RSPO2: variants seen among roughly 807,000 people sequenced by gnomAD.
The protein encoded by RSPO2 is R-spondin-2.
In RSPO2, 14 loss-of-function variants were observed where a neutral mutation model predicts 30.9. That is an observed-to-expected ratio of 0.45 (90% CI 0.30 to 0.71). The LOEUF is 0.71. Ranked by LOEUF, RSPO2 falls within the 30% of genes least tolerant of loss-of-function variation. RSPO2 has a pLI of 0.08. For synonymous variants in RSPO2, 107 were observed against 96.4 expected, an observed-to-expected ratio of 1.11 and a Z score of -0.64; for missense variants, 264 against 301.9, an observed-to-expected ratio of 0.87 and a Z score of 0.93.
chr8:108,013,200 C>T (rs1036670759), intron 2 of RSPO2, among the ~76,000 whole-genome samples: 1 of 152,218 alleles, frequency 6.6e-6, no homozygotes, highest in African/African-American at 2.4e-5. Flanking sequence ...TTGATCAATA[C>T]TAGTAACTTA....
intron 5 of RSPO2, among the ~76,000 whole-genome samples, chr8:107,947,274 T>G (rs1188634855): frequency 6.6e-6 from 1 of 152,214 alleles, no homozygotes; most frequent in Non-Finnish European, 1.5e-5. Flanking sequence ...TACTCCAAGC[T>G]GGCTAGTACA....
chr8:107,930,202 G>C (rs1240067455), intron 5 of RSPO2, among the ~76,000 whole-genome samples: 1 of 152,080 alleles, frequency 6.6e-6, no homozygotes, highest in Non-Finnish European at 1.5e-5. Flanking sequence ...GAAACTTTTG[G>C]GTTTGTAAAG....
At chr8:108,057,380 T>C (rs749074065) in intron 2 of RSPO2, among the ~76,000 whole-genome samples, 4 of 152,188 alleles carry the variant, frequency 2.6e-5, no homozygotes, top group Non-Finnish European at 4.4e-5. Context: ...TTGTATTTTC[T>C]TCATAGTGTT....
intron 5 of RSPO2, among the ~76,000 whole-genome samples, chr8:107,915,836 AAC>A (rs1291196226): frequency 6.6e-6 from 1 of 152,124 alleles, no homozygotes; most frequent in Non-Finnish European, 1.5e-5. Flanking sequence ...CCTATTGGGA[AAC>A]ATCTTGCAAA....
chr8:107,918,267 A>G (rs1016432792), intron 5 of RSPO2, among the ~76,000 whole-genome samples: 1 of 152,166 alleles, frequency 6.6e-6, no homozygotes, highest in Non-Finnish European at 1.5e-5. Flanking sequence ...ATTTTTCTCT[A>G]CCTGATTCTT....
intron 5 of RSPO2, among the ~76,000 whole-genome samples, chr8:107,904,563 A>G (rs1811579425): frequency 6.6e-6 from 1 of 152,034 alleles, no homozygotes; most frequent in African/African-American, 2.4e-5. Flanking sequence ...TGCAGATGCA[A>G]GGAGATGACT....
At chr8:107,907,334 C>T (rs535316154) in intron 5 of RSPO2, among the ~76,000 whole-genome samples, 3 of 152,064 alleles carry the variant, frequency 2.0e-5, no homozygotes, top group Admixed American at 6.5e-5. Context: ...AAAGATTTTA[C>T]AGATAGCTGT....
At position 108,082,006 on chromosome 8, in the gene RSPO2, G is replaced by T. The variant is rs927612643; in HGVS notation, c.94+539C>A. 9 of 779,656 alleles carry T rather than the reference G, an allele frequency of 1.2e-5. No homozygotes were observed. In the Admixed American group the frequency reaches 5.0e-4, roughly 43 times the overall value. The allele number at this position is 779,656 out of a possible 1,614,324, so 48.3% of individuals were successfully genotyped here. On this transcript the variant is annotated intron_variant, in intron 2 of 5. Transcript: ENST00000276659. ...AAAGGGAGGTCCTCCCCCTCGACTT[G>T]GTACCCCTCCCAAGCTCCGGAATAC...
intron 3 of RSPO2, among the ~76,000 whole-genome samples, chr8:107,967,122 C>A (rs1166015547): frequency 6.6e-6 from 1 of 152,174 alleles, no homozygotes; most frequent in Non-Finnish European, 1.5e-5. Flanking sequence ...ATCAAGCCAA[C>A]CTCTAGAAAC....
intron 5 of RSPO2, among the ~76,000 whole-genome samples, chr8:107,910,568 ACAGTT>A (rs1202171552): frequency 3.9e-5 from 6 of 152,164 alleles, no homozygotes; most frequent in Non-Finnish European, 8.8e-5. Flanking sequence ...GTCCAAGCCA[ACAGTT>A]CAGTTAAGTG....
intron 2 of RSPO2, among the ~76,000 whole-genome samples, chr8:107,993,803 A>C (rs1468252829): frequency 7.2e-5 from 11 of 152,184 alleles, no homozygotes; most frequent in Non-Finnish European, 1.3e-4. Context: ...TTGGTAGCCC[A>C]AGGCATTCTT....
chr8:108,082,318 G>C (rs990587113), intron 2 of RSPO2, among the ~76,000 whole-genome samples: 1 of 152,302 alleles, frequency 6.6e-6, no homozygotes, highest in South Asian at 2.1e-4. Context: ...CGCCCGGCTC[G>C]CCGAGCTCCC....
intron 2 of RSPO2, among the ~76,000 whole-genome samples, chr8:108,026,034 A>T (rs4483127): frequency 0.06 from 9,134 of 152,296 alleles, 792 homozygotes; most frequent in African/African-American, 0.19. Flanking sequence ...TTTACAAACA[A>T]GAAACCTTAA....
At chr8:107,937,319 T>G (rs1467445870) in intron 5 of RSPO2, among the ~76,000 whole-genome samples, 3 of 152,180 alleles carry the variant, frequency 2.0e-5, no homozygotes, top group Admixed American at 2.0e-4. Flanking sequence ...TGTGGATTTA[T>G]TTCTGGACTA....
chr8:107,943,935 C>T lies in RSPO2; in HGVS notation c.616+14145G>A, dbSNP rs545367282. On this transcript the variant is annotated intron_variant, in intron 5 of 5. Coordinates refer to ENST00000276659, the MANE Select transcript of RSPO2 (RefSeq NM_178565.5). ...AAAGAAGAACAGAGGGAGAGGGGGA[C>T]GGGAGCTTACACAATACACATCTTA... Among the ~76,000 whole-genome samples the T allele has an allele frequency of 2.1e-3, 313 of 152,212 alleles. 2 individuals are homozygous for T. Among genetic ancestry groups the T allele is most frequent in the African/African-American group, 7.1e-3 (295 of 41,540 alleles).
rs190252363 is a variant in RSPO2 at position 107,988,897 on chromosome 8, G to C, written c.283+159C>G. Among the ~76,000 whole-genome samples the C allele has an allele frequency of 2.6e-5, 4 of 152,104 alleles. No individual in the cohort carries two copies. The East Asian group carries it at 7.7e-4, about 29-fold the overall frequency. ...CCTACCTTGGCCTCCCAAAGTGCTG[G>C]GATTACAGGCATGACCCACCACACC... On this transcript the variant is annotated intron_variant, in intron 3 of 5. Coordinates refer to ENST00000276659, the MANE Select transcript of RSPO2 (RefSeq NM_178565.5).
At chr8:108,049,247 T>C (rs986942892) in intron 2 of RSPO2, among the ~76,000 whole-genome samples, 4 of 151,918 alleles carry the variant, frequency 2.6e-5, no homozygotes, top group African/African-American at 9.7e-5. Flanking sequence ...TAAAGTATAA[T>C]AAAAGAATAA....
intron 5 of RSPO2, among the ~76,000 whole-genome samples, chr8:107,948,350 G>A (rs474945): frequency 0.21 from 31,223 of 152,108 alleles, 4,305 homozygotes; most frequent in East Asian, 0.56. Context: ...TTATCTTGGG[G>A]AAGTAGGTTG....
chr8:107,983,542 T>C, intron 3 of RSPO2: 9 of 1,599,730 alleles, frequency 5.6e-6, no homozygotes, highest in Middle Eastern at 1.9e-4. Flanking sequence ...CACACTACTA[T>C]ATTTACTTCA....
Sources: gnomAD v4.1 joint callset for allele counts (sites outside exome capture counted in the v4.1 genomes callset) on GRCh38, gnomAD v4.1.1 for gene constraint, MANE v1.5 for transcripts, NCBI Gene and HGNC (gene_info 2026-07-23, HGNC 2026-07-21) for gene names.